Variants in NTNG1 observed in about 807,000 individuals in gnomAD.
The protein encoded by NTNG1 is netrin G1.
In NTNG1, 16 loss-of-function variants were observed where a neutral mutation model predicts 54.0. The observed-to-expected ratio is 0.30, with a 90% confidence interval of 0.20 to 0.45. NTNG1 has a LOEUF of 0.45. NTNG1 is among the 20% of genes least tolerant of loss of function. The pLI is 1.00. For synonymous variants in NTNG1, 255 were observed against 263.1 expected, an observed-to-expected ratio of 0.97 and a Z score of 0.30; for missense variants, 530 against 678.7, an observed-to-expected ratio of 0.78 and a Z score of 2.43.
At chr1:107,220,211 G>A (rs572369385) in intron 2 of NTNG1, among the ~76,000 whole-genome samples, 5 of 152,232 alleles carry the variant, frequency 3.3e-5, no homozygotes, top group East Asian at 1.9e-4. Context: ...CTCACCCTCC[G>A]CCAACAGCAC....
rs994032123 is a variant in NTNG1, at chr1:107,288,701, G to T, written c.247-35581G>T. 4.6e-5 allele frequency among the ~76,000 whole-genome samples: 7 copies of T among 152,168 alleles called. No homozygotes were observed. In the South Asian group the frequency reaches 1.2e-3, roughly 27 times the overall value. On this transcript the variant is annotated intron_variant, in intron 2 of 7. Coordinates refer to ENST00000370068, the MANE Select transcript of NTNG1 (RefSeq NM_001113226.3). ...GCAAAGGATTGACAAATGAGTGGGG[G>T]TTAAGAGGAAACAAGTATAAAATAC...
At chr1:107,327,823 C>A (rs1407418917) in intron 3 of NTNG1, among the ~76,000 whole-genome samples, 3 of 152,058 alleles carry the variant, frequency 2.0e-5, no homozygotes, top group African/African-American at 7.2e-5. Flanking sequence ...ACCTTGAAAT[C>A]TTAAACTGTG....
At chr1:107,390,847 G>A (rs1293328834) in intron 3 of NTNG1, among the ~76,000 whole-genome samples, 6 of 152,152 alleles carry the variant, frequency 3.9e-5, no homozygotes, top group Admixed American at 3.3e-4. Flanking sequence ...ATCCTCTAGT[G>A]AGGATGACAG....
intron 4 of NTNG1, among the ~76,000 whole-genome samples, chr1:107,401,903 G>A (rs887351848): frequency 4.6e-5 from 7 of 151,906 alleles, no homozygotes; most frequent in African/African-American, 1.2e-4. Flanking sequence ...GATTATTGAC[G>A]TCATAGGATG....
At position 107,436,705 on chromosome 1, in the gene NTNG1, T is replaced by G; in HGVS notation, c.1296T>G (p.Cys432Trp). 1 of 1,613,526 alleles carries G rather than the reference T, an allele frequency of 6.2e-7. No homozygotes were observed. Among genetic ancestry groups the G allele is most frequent in the Non-Finnish European group, 8.5e-7 (1 of 1,179,562 alleles). ...CTTTGGGCTCAATCCATGATCGTTGTAATGGCTCAGGATTTTGTGAGTGTA... is the reference window on the plus strand; with the variant it reads ...CTTTGGGCTCAATCCATGATCGTTGGAATGGCTCAGGATTTTGTGAGTGTA... The part of the protein sequence containing the change: ...CNPLGSIHDR[C>W]NGSGFCECKT... The change falls in exon 7 of 8, where the codon TGT becomes TGG. Residue 432 changes from cysteine (C) to tryptophan (W), a missense_variant. Around this residue, in one of 2 missense-constraint regions of NTNG1, gnomAD observed 212 missense variants for 213.6 expected, o/e 0.99. Transcript: ENST00000370068.
At chr1:107,159,010 A>G (rs1385559747) in intron 2 of NTNG1, among the ~76,000 whole-genome samples, 6 of 152,166 alleles carry the variant, frequency 3.9e-5, no homozygotes, top group African/African-American at 1.4e-4. Context: ...TGACATTCAA[A>G]ATTTTTGGAT....
At chr1:107,437,770 A>C (rs2101386988) in intron 7 of NTNG1, among the ~76,000 whole-genome samples, 1 of 152,310 alleles carries the variant, frequency 6.6e-6, no homozygotes, top group South Asian at 2.1e-4. Flanking sequence ...CAAAATTATT[A>C]AGGCTATATT....
At chr1:107,389,428 T>A (rs4915039) in intron 3 of NTNG1, among the ~76,000 whole-genome samples, 1 of 150,326 alleles carries the variant, frequency 6.7e-6, no homozygotes, top group South Asian at 2.1e-4. Flanking sequence ...TATAAAAAAA[T>A]AAAAAAATGA....
At chr1:107,421,230 T>C in intron 5 of NTNG1, 1 of 920,400 alleles carries the variant, frequency 1.1e-6, no homozygotes, top group South Asian at 1.4e-5. Flanking sequence ...ATCTGTGAAG[T>C]GTACCCATCA....
chr1:107,214,523 GA>G, intron 2 of NTNG1, among the ~76,000 whole-genome samples: 1 of 152,284 alleles, frequency 6.6e-6, no homozygotes, highest in East Asian at 1.9e-4. Flanking sequence ...CTCATTGATT[GA>G]TGGGCATTTG....
intron 2 of NTNG1, among the ~76,000 whole-genome samples, chr1:107,284,500 C>A (rs1665071115): frequency 6.6e-6 from 1 of 151,992 alleles, no homozygotes; most frequent in Non-Finnish European, 1.5e-5. Context: ...TTCAGCAAGT[C>A]TATACTTAAG....
At chr1:107,386,914 A>T (rs752116029) in intron 3 of NTNG1, among the ~76,000 whole-genome samples, 2 of 152,198 alleles carry the variant, frequency 1.3e-5, no homozygotes, top group African/African-American at 2.4e-5. Context: ...AGCATTTGTT[A>T]TCATCCATCT....
At chr1:107,322,832 T>C (rs1197006909) in intron 2 of NTNG1, among the ~76,000 whole-genome samples, 1 of 152,078 alleles carries the variant, frequency 6.6e-6, no homozygotes, top group African/African-American at 2.4e-5. Flanking sequence ...CCTTCTCTTC[T>C]TTCTCCTGCC....
chr1:107,219,113 A>AT lies in NTNG1; in HGVS notation c.246+70274_246+70275insT, dbSNP rs1488488815. Among the ~76,000 whole-genome samples the AT allele has an allele frequency of 6.8e-5, 8 of 117,936 alleles. No individual in the cohort carries two copies. In the East Asian group the frequency reaches 1.9e-3, roughly 28 times the overall value. The allele number at this position is 117,936 out of a possible 152,430, so 77.4% of individuals were successfully genotyped here. ...TTGGAGTTTTTGTTCATTGTTTTTA[A>AT]ATTTTTTTTTTTTGTCTTTAATAGA... On this transcript the variant is annotated intron_variant, in intron 2 of 7. Transcript: ENST00000370068.
chr1:107,228,395 C>T (rs1660829030), intron 2 of NTNG1, among the ~76,000 whole-genome samples: 1 of 152,160 alleles, frequency 6.6e-6, no homozygotes, highest in African/African-American at 2.4e-5. Context: ...TCATTCAACA[C>T]ATCAGCAAAG....
chr1:107,172,864 G>A (rs1049921749), intron 2 of NTNG1, among the ~76,000 whole-genome samples: 4 of 152,146 alleles, frequency 2.6e-5, no homozygotes, highest in African/African-American at 9.7e-5. Context: ...TCTTGTGATA[G>A]AAGAAAGTAA....
At chr1:107,193,683 G>C (rs1156379960) in intron 2 of NTNG1, among the ~76,000 whole-genome samples, 1 of 151,832 alleles carries the variant, frequency 6.6e-6, no homozygotes, top group Admixed American at 6.6e-5. Context: ...AGACTACAAG[G>C]TTTATATTTT....
At chr1:107,341,942 G>T (rs904430719) in intron 3 of NTNG1, among the ~76,000 whole-genome samples, 2 of 151,994 alleles carry the variant, frequency 1.3e-5, no homozygotes, top group African/African-American at 4.8e-5. Flanking sequence ...GAGGAAATTG[G>T]AACAGGGGTT....
intron 3 of NTNG1, among the ~76,000 whole-genome samples, chr1:107,379,544 G>T (rs142481413): frequency 1.3e-5 from 2 of 152,098 alleles, no homozygotes; most frequent in Admixed American, 6.5e-5. Flanking sequence ...TGATAATTTA[G>T]CAATACTGTT....
Sources: allele counts gnomAD v4.1 joint callset (sites outside exome capture counted in the v4.1 genomes callset), GRCh38; gene constraint gnomAD v4.1.1; regional missense constraint gnomAD v4.1.1; transcripts MANE v1.5; gene names NCBI Gene and HGNC (gene_info 2026-07-23, HGNC 2026-07-21).